Variants in TASP1 observed in about 807,000 individuals in gnomAD.
TASP1 encodes the protein threonine aspartase 1.
TASP1 carries 16 observed loss-of-function variants against 56.6 expected under a neutral mutation model. The ratio of observed to expected loss-of-function variants is 0.28; its 90% CI spans 0.19 to 0.43. TASP1 has a LOEUF of 0.43. Ranked by LOEUF, TASP1 falls within the 20% of genes least tolerant of loss-of-function variation. TASP1 has a pLI of 1.00. For missense variants in TASP1, 393 were observed against 511.6 expected (o/e 0.77, Z 2.24); for synonymous variants, 179 against 184.2 (o/e 0.97, Z 0.23).
intron 4 of TASP1, among the ~76,000 whole-genome samples, chr20:13,621,184 G>A (rs754933566): frequency 5.3e-5 from 8 of 152,054 alleles, no homozygotes; most frequent in Non-Finnish European, 7.4e-5. Flanking sequence ...AGCACTTTGG[G>A]AGGCCGAGGT....
intron 12 of TASP1, among the ~76,000 whole-genome samples, chr20:13,423,899 G>A (rs2042533050): frequency 6.6e-6 from 1 of 152,116 alleles, no homozygotes; most frequent in South Asian, 2.1e-4. Flanking sequence ...TCCCTCATTA[G>A]AATGTATTAT....
chr20:13,157,572 G>GA, the TASP1 span, among the ~76,000 whole-genome samples: 212 of 151,178 alleles, frequency 1.4e-3, 1 homozygote, highest in Non-Finnish European at 1.7e-3. Flanking sequence ...TAGTCCATAG[G>GA]AAAAAAATGC....
At chr20:13,268,341 CTTCTTCCTCTCTCTCTCTCT>C in the TASP1 span, among the ~76,000 whole-genome samples, 1 of 136,186 alleles carries the variant, frequency 7.3e-6, no homozygotes, top group African/African-American at 2.8e-5. Context: ...CCTTCTCCTT[CTTCTTCCTCTCTCTCTCTCT>C]CTCTCTCTCT....
At chr20:13,473,979 C>T (rs180868825) in intron 11 of TASP1, among the ~76,000 whole-genome samples, 6 of 152,186 alleles carry the variant, frequency 3.9e-5, no homozygotes, top group Admixed American at 2.6e-4. Flanking sequence ...GAGGCTGAGG[C>T]GCAAGGACCG....
chr20:13,374,497 C>T, the TASP1 span, among the ~76,000 whole-genome samples: 792 of 151,964 alleles, frequency 5.2e-3, 3 homozygotes, highest in Non-Finnish European at 8.2e-3. Flanking sequence ...TACAGGCGCC[C>T]GCCACCGCGC....
At chr20:13,545,310 T>C (rs2045768156) in intron 8 of TASP1, among the ~76,000 whole-genome samples, 1 of 152,174 alleles carries the variant, frequency 6.6e-6, no homozygotes, top group South Asian at 2.1e-4. Context: ...TGCCATATCC[T>C]AGAAAATCGA....
the TASP1 span, among the ~76,000 whole-genome samples, chr20:13,229,443 C>T: frequency 6.6e-6 from 1 of 152,142 alleles, no homozygotes; most frequent in Non-Finnish European, 1.5e-5. Flanking sequence ...TTCCATGTGC[C>T]TGGCTTCTCT....
chr20:13,638,437 A>G (rs894675172), intron 1 of TASP1, among the ~76,000 whole-genome samples: 1 of 151,076 alleles, frequency 6.6e-6, no homozygotes, highest in Non-Finnish European at 1.5e-5. Context: ...CCTCCCCCTG[A>G]GTAGTAAGTG....
the TASP1 span, among the ~76,000 whole-genome samples, chr20:13,188,881 C>A: frequency 5.8e-4 from 88 of 152,300 alleles, no homozygotes; most frequent in African/African-American, 1.9e-3. Context: ...TAATAGTATG[C>A]ACCTGTAACA....
At position 13,417,432 on chromosome 20, in the gene TASP1, G is replaced by A. The variant is rs753065623; in HGVS notation, c.1170+16C>T. On this transcript the variant is annotated intron_variant, in intron 13 of 13. Coordinates refer to ENST00000337743, the MANE Select transcript of TASP1 (RefSeq NM_017714.3). ...GCTACAAGGTTTTCAGGTTATGACC[G>A]TTTTTTCCCACTTACCTTGGCTTTC... The A allele has an allele frequency of 8.7e-6, 14 of 1,613,816 alleles. No homozygotes were observed. Among genetic ancestry groups the A allele is most frequent in the Middle Eastern group, 3.3e-4 (2 of 6,062 alleles).
At chr20:13,195,022 C>T in the TASP1 span, among the ~76,000 whole-genome samples, 2 of 152,154 alleles carry the variant, frequency 1.3e-5, no homozygotes, top group African/African-American at 4.8e-5. Context: ...TGCTTCTCTA[C>T]CATTTGTGAG....
chr20:13,417,595 C>G, intron 12 of TASP1, 74 bp from the exon 13 acceptor site: 1 of 1,521,092 alleles, frequency 6.6e-7, no homozygotes, highest in Non-Finnish European at 9.0e-7. Context: ...TTTAATAGAA[C>G]AGTTAAAGAT....
At chr20:13,607,226 A>G (rs371958271) in intron 4 of TASP1, among the ~76,000 whole-genome samples, 3 of 152,310 alleles carry the variant, frequency 2.0e-5, no homozygotes, top group African/African-American at 7.2e-5. Flanking sequence ...CAACCCAGCA[A>G]AGAGAGGGCA....
the TASP1 span, among the ~76,000 whole-genome samples, chr20:13,136,125 T>G: frequency 3.9e-5 from 6 of 152,336 alleles, no homozygotes; most frequent in African/African-American, 1.4e-4. Flanking sequence ...TCTCTATTTT[T>G]CTTCAAAGTC....
chr20:13,374,118 T>C, the TASP1 span, among the ~76,000 whole-genome samples: 10 of 152,208 alleles, frequency 6.6e-5, no homozygotes, highest in Admixed American at 6.5e-4. Flanking sequence ...TTTATTGATA[T>C]TCTATATTTG....
At chr20:13,610,669 T>G (rs899586367) in intron 4 of TASP1, among the ~76,000 whole-genome samples, 8 of 152,222 alleles carry the variant, frequency 5.3e-5, no homozygotes, top group Admixed American at 3.3e-4. Flanking sequence ...TATGCCTGCA[T>G]GTATCCACAA....
chr20:13,594,809 ATCATCCAGGAGAACT>A (rs2047667747), intron 4 of TASP1, among the ~76,000 whole-genome samples: 1 of 152,246 alleles, frequency 6.6e-6, no homozygotes, highest in Non-Finnish European at 1.5e-5. Context: ...TCTTCAGGAT[ATCATCCAGGAGAACT>A]TCCCCAACCT....
intron 10 of TASP1, among the ~76,000 whole-genome samples, chr20:13,490,640 CT>C (rs2043491706): frequency 6.6e-6 from 1 of 152,068 alleles, no homozygotes; most frequent in African/African-American, 2.4e-5. Flanking sequence ...TTTATTTACT[CT>C]ATTCATTCAT....
chr20:13,559,596 C>A (rs927326268), intron 7 of TASP1, among the ~76,000 whole-genome samples: 5 of 152,116 alleles, frequency 3.3e-5, no homozygotes, highest in Admixed American at 2.0e-4. Flanking sequence ...AACCAGAAAA[C>A]TTGCAAATCT....
Sources: allele counts gnomAD v4.1 joint callset (sites outside exome capture counted in the v4.1 genomes callset), GRCh38; gene constraint gnomAD v4.1.1; transcripts MANE v1.5; gene names NCBI Gene and HGNC (gene_info 2026-07-23, HGNC 2026-07-21).